COL21A1: variants seen among roughly 807,000 people sequenced by gnomAD.
The protein encoded by COL21A1 is collagen alpha-1(XXI) chain.
A neutral mutation model predicts 137.9 loss-of-function variants in COL21A1; 149 were observed. The observed-to-expected ratio is 1.08, with a 90% CI of 0.95 to 1.24. The LOEUF (loss-of-function observed/expected upper bound fraction) is 1.24, where lower values mean the gene tolerates loss of function less well. COL21A1 is among the 50% of genes most tolerant of loss of function. COL21A1 has a pLI of 0.00. For synonymous variants in COL21A1, 456 were observed against 391.5 expected, an observed-to-expected ratio of 1.16 and a Z score of -1.95; for missense variants, 1,167 against 1,158.4, an observed-to-expected ratio of 1.01 and a Z score of -0.11.
intron 10 of COL21A1, among the ~76,000 whole-genome samples, chr6:56,154,529 G>T (rs955243591): frequency 1.3e-5 from 2 of 151,900 alleles, no homozygotes; most frequent in Non-Finnish European, 2.9e-5. Context: ...ATTCTAGTCA[G>T]CTTTCCATTA....
chr6:56,134,523 G>A (rs28844387), intron 12 of COL21A1, among the ~76,000 whole-genome samples: 22,841 of 152,160 alleles, frequency 0.15, 1,750 homozygotes, highest in Middle Eastern at 0.22. Context: ...AGACTTTGGG[G>A]TACTGTTGGG....
intron 1 of COL21A1, among the ~76,000 whole-genome samples, chr6:56,342,917 G>T (rs965045345): frequency 6.6e-6 from 1 of 152,182 alleles, no homozygotes; most frequent in Non-Finnish European, 1.5e-5. Flanking sequence ...TGGGATTCCA[G>T]TCACTTTCTC....
chr6:56,342,267 G>C (rs1765487518), intron 1 of COL21A1, among the ~76,000 whole-genome samples: 1 of 152,202 alleles, frequency 6.6e-6, no homozygotes, highest in African/African-American at 2.4e-5. Flanking sequence ...TTCTGGACAT[G>C]TATATACATG....
intron 3 of COL21A1, among the ~76,000 whole-genome samples, chr6:56,177,230 T>C (rs1014530818): frequency 5.9e-5 from 9 of 152,128 alleles, no homozygotes; most frequent in East Asian, 1.9e-4. Flanking sequence ...AGAGAAATAA[T>C]AGGTCCATAA....
chr6:56,155,990 T>C (rs1359484576), intron 10 of COL21A1, among the ~76,000 whole-genome samples: 1 of 152,254 alleles, frequency 6.6e-6, no homozygotes, highest in Non-Finnish European at 1.5e-5. Flanking sequence ...AAAGTTGATT[T>C]ATGTTCCCTT....
intron 1 of COL21A1, among the ~76,000 whole-genome samples, chr6:56,213,330 T>A (rs1192807613): frequency 6.6e-6 from 1 of 152,110 alleles, no homozygotes; most frequent in Non-Finnish European, 1.5e-5. Context: ...ATTACCCTCA[T>A]CTACATAATC....
At chr6:56,367,236 T>G (rs192680418) in intron 1 of COL21A1, among the ~76,000 whole-genome samples, 1 of 152,248 alleles carries the variant, frequency 6.6e-6, no homozygotes, top group Non-Finnish European at 1.5e-5. Context: ...GTTTACACAA[T>G]AGCCTCTCCC....
chr6:56,163,434 G>A lies in COL21A1; in HGVS notation c.1371+989C>T, dbSNP rs180829455. Among the ~76,000 whole-genome samples the A allele has an allele frequency of 2.6e-5, 4 of 152,306 alleles. No individual in the cohort carries two copies. The East Asian group carries it at 7.7e-4, about 29-fold the overall frequency. On this transcript the variant is annotated intron_variant, in intron 9 of 29. Coordinates refer to ENST00000244728, the MANE Select transcript of COL21A1 (RefSeq NM_030820.4). ...TACTTAAAAATTTAGCCATTTGCTG[G>A]GCGCGGTGGCTCACGCCTGTAATCC...
chr6:56,295,885 A>T (rs1764154326), intron 1 of COL21A1, among the ~76,000 whole-genome samples: 1 of 151,912 alleles, frequency 6.6e-6, no homozygotes. Flanking sequence ...ATCTGAAAAC[A>T]ATTTTATTTC....
At chr6:56,252,305 TCTTTTCTGC>T (rs1782872688), upstream of COL21A1, among the ~76,000 whole-genome samples, 1 of 151,940 alleles carries the variant, frequency 6.6e-6, no homozygotes, top group African/African-American at 2.4e-5. Flanking sequence ...GATGGAGGAG[TCTTTTCTGC>T]CTTCTATCTT....
At chr6:56,270,495 A>G (rs993554395) in intron 1 of COL21A1, among the ~76,000 whole-genome samples, 5 of 152,248 alleles carry the variant, frequency 3.3e-5, no homozygotes, top group Admixed American at 2.0e-4. Flanking sequence ...CACTGACAGT[A>G]TTAGACAGAC....
At chr6:56,062,847 A>G (rs1420218077) in intron 24 of COL21A1, among the ~76,000 whole-genome samples, 2 of 152,206 alleles carry the variant, frequency 1.3e-5, no homozygotes, top group Admixed American at 1.3e-4. Context: ...GAGACAAAAC[A>G]GTTAAGTTCT....
chr6:56,144,182 C>G (rs888593575), intron 10 of COL21A1, among the ~76,000 whole-genome samples: 6 of 152,180 alleles, frequency 3.9e-5, no homozygotes, highest in African/African-American at 1.4e-4. Flanking sequence ...TACAACTACT[C>G]TTTAATGTAG....
intron 29 of COL21A1, among the ~76,000 whole-genome samples, chr6:56,058,761 A>G (rs1273186092): frequency 1.3e-5 from 2 of 152,166 alleles, no homozygotes; most frequent in Admixed American, 6.5e-5. Context: ...TAACATTATC[A>G]TCACCATTTT....
chr6:56,381,093 A>G (rs1388784411), intron 1 of COL21A1, among the ~76,000 whole-genome samples: 1 of 152,130 alleles, frequency 6.6e-6, no homozygotes, highest in East Asian at 1.9e-4. Flanking sequence ...TATAGAACAT[A>G]ACTATGTTAT....
intron 16 of COL21A1, among the ~76,000 whole-genome samples, chr6:56,113,538 T>C (rs932595146): frequency 1.3e-5 from 2 of 152,132 alleles, no homozygotes; most frequent in African/African-American, 4.8e-5. Context: ...TGAAGAGCCC[T>C]TGGGCCCTGA....
intron 21 of COL21A1, among the ~76,000 whole-genome samples, chr6:56,069,865 A>G (rs1265867017): frequency 6.6e-6 from 1 of 151,190 alleles, no homozygotes; most frequent in Non-Finnish European, 1.5e-5. Flanking sequence ...CCTGGTAGTT[A>G]AATTTAATTA....
At chr6:56,221,572 A>G (rs2152312593) in intron 1 of COL21A1, among the ~76,000 whole-genome samples, 1 of 152,194 alleles carries the variant, frequency 6.6e-6, no homozygotes, top group Non-Finnish European at 1.5e-5. Flanking sequence ...AAAATTTTTA[A>G]AAGTTAGCTG....
chr6:56,338,861 C>A (rs1765396796), intron 1 of COL21A1, among the ~76,000 whole-genome samples: 1 of 152,148 alleles, frequency 6.6e-6, no homozygotes, highest in Admixed American at 6.6e-5. Context: ...CTTATATAGA[C>A]TTCTGGGGAG....
Sources: allele counts gnomAD v4.1 joint callset (sites outside exome capture counted in the v4.1 genomes callset), GRCh38; gene constraint gnomAD v4.1.1; transcripts MANE v1.5; gene names NCBI Gene and HGNC (gene_info 2026-07-23, HGNC 2026-07-21).